The following CRPPA variants were observed in gnomAD, a reference collection of about 807,000 sequenced individuals.
The protein encoded by CRPPA is D-ribitol-5-phosphate cytidylyltransferase.
In CRPPA, 43 loss-of-function variants were observed where a neutral mutation model predicts 52.0. That is an observed-to-expected ratio of 0.83 (90% CI 0.65 to 1.07). CRPPA has a LOEUF of 1.07. CRPPA is among the 50% of genes least tolerant of loss of function. The probability of loss-of-function intolerance (pLI) is 0.00; values close to 1 mark genes in which losing one functional copy is unlikely to be tolerated. For missense variants in CRPPA, 629 were observed against 551.7 expected (o/e 1.14, Z -1.40); for synonymous variants, 250 against 203.5 (o/e 1.23, Z -1.94).
chr7:16,342,874 T>G (rs925390804), intron 3 of CRPPA, among the ~76,000 whole-genome samples: 3 of 93,182 alleles, frequency 3.2e-5, no homozygotes, highest in African/African-American at 1.2e-4. Flanking sequence ...TAGAGATATA[T>G]ATACAGAAAT....
rs11773533 is a variant in CRPPA, at chr7:16,089,589, G to A, written c.*2106C>T. The A allele has an allele frequency of 0.35, 78,582 of 226,842 alleles. 15,608 individuals carry two copies. Among genetic ancestry groups the A allele is most frequent in the South Asian group, 0.51 (10,203 of 19,978 alleles). 14.1% of individuals were successfully genotyped at this position (226,842 alleles called of 1,614,324 possible). Reference sequence around the variant, plus strand: ...TACATATATATGGGTATACATGCATGTATATACATATATATGGGTATACAT... The same window carrying A: ...TACATATATATGGGTATACATGCATATATATACATATATATGGGTATACAT... On this transcript the variant is annotated 3_prime_UTR_variant, in exon 10 of 10. Coordinates refer to ENST00000407010, the MANE Select transcript of CRPPA (RefSeq NM_001101426.4).
At chr7:16,267,547 T>C (rs906246409) in intron 6 of CRPPA, among the ~76,000 whole-genome samples, 1 of 152,166 alleles carries the variant, frequency 6.6e-6, no homozygotes, top group South Asian at 2.1e-4. Context: ...TGTCCTCATC[T>C]AGCAAATGAA....
At chr7:16,223,850 C>T (rs901015443) in intron 8 of CRPPA, among the ~76,000 whole-genome samples, 2 of 152,100 alleles carry the variant, frequency 1.3e-5, no homozygotes, top group Non-Finnish European at 2.9e-5. Flanking sequence ...TTGAGTACTG[C>T]AGATTTGCTT....
At position 16,178,439 on chromosome 7, in the gene CRPPA, A is replaced by G. The variant is rs527675264; in HGVS notation, c.1251+37627T>C. Among the ~76,000 whole-genome samples, 115 of 152,280 alleles carry G rather than the reference A, an allele frequency of 7.6e-4. 5 individuals carry two copies. The South Asian group carries it at 0.023, about 31-fold the overall frequency. On this transcript the variant is annotated intron_variant, in intron 9 of 9. Transcript: ENST00000407010. Reference sequence around the variant, plus strand: ...AGAACTAGTAAAACATTAAGATTAAAGAAACATTTATGCCTGCACAAATTC... The same window carrying G: ...AGAACTAGTAAAACATTAAGATTAAGGAAACATTTATGCCTGCACAAATTC...
chr7:16,342,763 C>CAAAAAAAAAAAAAAAAAAAAAAA (rs368521163), intron 3 of CRPPA, among the ~76,000 whole-genome samples: 1 of 64,962 alleles, frequency 1.5e-5, no homozygotes, highest in Admixed American at 1.8e-4. Context: ...CCTGTCTCCA[C>CAAAAAAAAAAAAAAAAAAAAAAA]AAAAAAAAAA....
intron 9 of CRPPA, among the ~76,000 whole-genome samples, chr7:16,205,166 T>A (rs571267113): frequency 3.3e-5 from 5 of 152,290 alleles, no homozygotes; most frequent in African/African-American, 1.2e-4. Context: ...ACGGCCACAT[T>A]TGCTATTGCT....
At chr7:16,130,882 A>C (rs543433672) in intron 9 of CRPPA, among the ~76,000 whole-genome samples, 1 of 152,186 alleles carries the variant, frequency 6.6e-6, no homozygotes, top group Admixed American at 6.5e-5. Context: ...ATAAGGACAG[A>C]GCCATCATTA....
intron 8 of CRPPA, among the ~76,000 whole-genome samples, chr7:16,234,586 G>A (rs1583453101): frequency 1.3e-5 from 2 of 152,118 alleles, no homozygotes; most frequent in Admixed American, 1.3e-4. Context: ...TTAATAGAAT[G>A]TAGCCATTAC....
rs183736982 is a variant in CRPPA at position 16,090,951 on chromosome 7, A to G, written c.*744T>C. 1.4e-4 allele frequency: 22 copies of G among 152,352 alleles called. No individual in the cohort carries two copies. Among genetic ancestry groups the G allele is most frequent in the African/African-American group, 5.1e-4 (21 of 41,580 alleles). 9.4% of individuals were successfully genotyped at this position (152,352 alleles called of 1,614,324 possible). ...CAATAGATTCTCTACCTTATAGAAG[A>G]TAACTAACCAGGGATTGACCAGAAT... On this transcript the variant is annotated 3_prime_UTR_variant, in exon 10 of 10. Coordinates refer to ENST00000407010, the MANE Select transcript of CRPPA (RefSeq NM_001101426.4).
At chr7:16,381,080 G>A (rs1166209189) in intron 2 of CRPPA, among the ~76,000 whole-genome samples, 1 of 151,574 alleles carries the variant, frequency 6.6e-6, no homozygotes, top group Non-Finnish European at 1.5e-5. Flanking sequence ...TAATTGTGAT[G>A]TTAGGGTGTC....
At chr7:16,420,959 G>A (rs948810400) in intron 1 of CRPPA, 107 bp downstream of exon 1, 4 of 994,260 alleles carry the variant, frequency 4.0e-6, no homozygotes, top group Non-Finnish European at 5.3e-6. Flanking sequence ...AACTGAGCGC[G>A]GCCCGGCAGT....
intron 9 of CRPPA, among the ~76,000 whole-genome samples, chr7:16,200,156 C>A (rs1489030988): frequency 6.6e-6 from 1 of 152,176 alleles, no homozygotes; most frequent in Non-Finnish European, 1.5e-5. Flanking sequence ...CTCTGCCCGG[C>A]CAGATCTGTA....
chr7:16,154,357 C>A (rs937809070), intron 9 of CRPPA, among the ~76,000 whole-genome samples: 11 of 152,026 alleles, frequency 7.2e-5, no homozygotes, highest in African/African-American at 2.7e-4. Context: ...CCTCCAACCC[C>A]CCAACAGACC....
In CRPPA at chr7:16,215,065, A is replaced by G. The variant is rs74599204; in HGVS notation, c.1251+1001T>C. 8.5e-3 allele frequency among the ~76,000 whole-genome samples: 1,302 copies of G among 152,346 alleles called. 25 individuals carry two copies. The highest frequency in any genetic ancestry group is 0.03 in the African/African-American group (1,227 of 41,578). The stretch of plus-strand genomic sequence containing the variant: ...TTAAAACAAAACCAAGGGATTAGCT[A>G]AAAGATGGTCCTTATATTTAATTAA... On this transcript the variant is annotated intron_variant, in intron 9 of 9. Coordinates refer to ENST00000407010, the MANE Select transcript of CRPPA (RefSeq NM_001101426.4).
chr7:16,286,097 A>AAAAAAAAAAAGATATATATATATAT, intron 5 of CRPPA, among the ~76,000 whole-genome samples: 1 of 39,118 alleles, frequency 2.6e-5, no homozygotes, highest in East Asian at 6.2e-4. Flanking sequence ...TAAAAAAAAA[A>AAAAAAAAAAAGATATATATATATAT]ATATATATAT....
chr7:16,312,500 C>G (rs1426119799), intron 3 of CRPPA, among the ~76,000 whole-genome samples: 1 of 151,978 alleles, frequency 6.6e-6, no homozygotes, highest in African/African-American at 2.4e-5. Context: ...TCCATAACTT[C>G]TGTCAATGCT....
chr7:16,416,346 C>A (rs1788192535), intron 1 of CRPPA, among the ~76,000 whole-genome samples: 1 of 152,128 alleles, frequency 6.6e-6, no homozygotes, highest in Non-Finnish European at 1.5e-5. Flanking sequence ...ACCCCTACCT[C>A]TCACCATACA....
chr7:16,181,777 T>A (rs1366928422), intron 9 of CRPPA, among the ~76,000 whole-genome samples: 1 of 152,044 alleles, frequency 6.6e-6, no homozygotes, highest in East Asian at 1.9e-4. Context: ...AAGACACTTT[T>A]ATGCTTTAAA....
intron 9 of CRPPA, among the ~76,000 whole-genome samples, chr7:16,147,030 C>T (rs542169137): frequency 1.3e-5 from 2 of 152,280 alleles, no homozygotes; most frequent in South Asian, 4.2e-4. Flanking sequence ...CATTTAGGAA[C>T]TCATTTTCAG....
Sources: gnomAD v4.1 joint callset for allele counts (sites outside exome capture counted in the v4.1 genomes callset) on GRCh38, gnomAD v4.1.1 for gene constraint, MANE v1.5 for transcripts, NCBI Gene and HGNC (gene_info 2026-07-23, HGNC 2026-07-21) for gene names.